Variants in PDE10A observed in about 807,000 individuals in gnomAD.
PDE10A encodes the protein cAMP and cAMP-inhibited cGMP 3',5'-cyclic phosphodiesterase 10A.
PDE10A carries 39 observed loss-of-function variants against 97.7 expected under a neutral mutation model. That is an observed-to-expected ratio of 0.40 (90% confidence interval 0.31 to 0.52). The LOEUF is 0.52. Ranked by LOEUF, PDE10A falls within the 20% of genes least tolerant of loss-of-function variation. PDE10A has a pLI of 0.56. For missense variants in PDE10A, 731 were observed against 1,047.8 expected (o/e 0.70, Z 4.17); for synonymous variants, 371 against 376.8 (o/e 0.98, Z 0.18).
intron 2 of PDE10A, among the ~76,000 whole-genome samples, chr6:165,531,415 G>A (rs1267749987): frequency 1.3e-5 from 2 of 151,618 alleles, no homozygotes; most frequent in East Asian, 3.9e-4. Flanking sequence ...TTCCAGTTCA[G>A]CCATCAGCTT....
intron 1 of PDE10A, chr6:165,775,539 G>T (rs533497896): frequency 6.6e-6 from 1 of 152,198 alleles, no homozygotes; most frequent in Non-Finnish European, 1.5e-5. Flanking sequence ...CCCCGCCACT[G>T]CCTGTCGTAC....
chr6:165,754,008 A>C (rs1793062551), intron 1 of PDE10A, among the ~76,000 whole-genome samples: 3 of 152,186 alleles, frequency 2.0e-5, no homozygotes. Flanking sequence ...ATGAAACACC[A>C]TGAAAAGCCC....
Position 165,452,126 on chromosome 6 carries a change from T to A in PDE10A, c.1024-1764A>T, listed in dbSNP as rs552767350. 9.8e-5 allele frequency among the ~76,000 whole-genome samples: 15 copies of A among 152,290 alleles called. 1 individual carries two copies. In the South Asian group the frequency reaches 3.1e-3, roughly 32 times the overall value. Reference sequence around the variant, plus strand: ...TTTACAGGGGGAGCCCTGGCATATGTGAATATATACCTGGCTCTGGTGCAG... The same window carrying A: ...TTTACAGGGGGAGCCCTGGCATATGAGAATATATACCTGGCTCTGGTGCAG... On this transcript the variant is annotated intron_variant, in intron 3 of 21. Transcript: ENST00000539869.
intron 1 of PDE10A, among the ~76,000 whole-genome samples, chr6:165,800,651 C>A (rs1778958763): frequency 6.6e-6 from 1 of 152,196 alleles, no homozygotes; most frequent in Non-Finnish European, 1.5e-5. Flanking sequence ...GATCTGGACA[C>A]ATGGTGTCTA....
At chr6:165,533,071 C>A (rs780218044) in intron 2 of PDE10A, among the ~76,000 whole-genome samples, 1 of 152,072 alleles carries the variant, frequency 6.6e-6, no homozygotes. Flanking sequence ...CAATCTCAAG[C>A]AAATTTAATT....
In PDE10A at chr6:165,339,283, C is replaced by T; in HGVS notation, c.2971G>A (p.Gly991Ser). 1 of 1,587,490 alleles carries T rather than the reference C, an allele frequency of 6.3e-7. No homozygotes were observed. The highest frequency in any genetic ancestry group is 1.1e-5 in the South Asian group (1 of 90,572). ...TTTACTTTAATAATTCATACCTGGC[C>T]TTGGGGGACTTCATCCTTCTTGTCT... ...DRDKKDEVPQGQLGFYNAVAI... is the reference protein window; with the variant it reads ...DRDKKDEVPQSQLGFYNAVAI... Residue 991 changes from glycine (G) to serine (S), a missense_variant, in exon 20 of 22, where the codon GGC (glycine) becomes AGC (serine). Around this residue, in one of 8 missense-constraint regions of PDE10A, gnomAD observed 96 missense variants for 156.7 expected, o/e 0.61. Transcript: ENST00000539869.
intron 1 of PDE10A, among the ~76,000 whole-genome samples, chr6:165,577,624 C>G (rs1025078261): frequency 6.6e-6 from 1 of 152,170 alleles, no homozygotes; most frequent in African/African-American, 2.4e-5. Context: ...CCCCAGGTCC[C>G]CTCACTCTTG....
intron 17 of PDE10A, among the ~76,000 whole-genome samples, chr6:165,386,534 G>A (rs545255617): frequency 3.3e-5 from 5 of 152,096 alleles, no homozygotes; most frequent in Admixed American, 3.3e-4. Flanking sequence ...GTTGTTTCTG[G>A]CGTTTATTCT....
chr6:165,674,268 G>A (rs1268743492), intron 1 of PDE10A, among the ~76,000 whole-genome samples: 1 of 151,592 alleles, frequency 6.6e-6, no homozygotes, highest in African/African-American at 2.4e-5. Context: ...GGATGACCAA[G>A]ATTATGTGTA....
At chr6:165,390,471 C>T (rs577685672) in intron 16 of PDE10A, among the ~76,000 whole-genome samples, 1 of 152,008 alleles carries the variant, frequency 6.6e-6, no homozygotes. Flanking sequence ...AGCGGCAGAT[C>T]GGAGCATATT....
At chr6:165,550,645 T>C in intron 1 of PDE10A, among the ~76,000 whole-genome samples, 1 of 152,240 alleles carries the variant, frequency 6.6e-6, no homozygotes, top group Non-Finnish European at 1.5e-5. Flanking sequence ...AAGATATTTT[T>C]GGTTTATTCA....
At chr6:165,344,116 T>C (rs1436192418) in intron 18 of PDE10A, among the ~76,000 whole-genome samples, 1 of 152,182 alleles carries the variant, frequency 6.6e-6, no homozygotes, top group Non-Finnish European at 1.5e-5. Context: ...AAAATGACTT[T>C]TCCCTTTTCA....
At chr6:165,943,234 A>AGAAAGAAAGAAGGAAG (rs1783618763) in intron 1 of PDE10A, among the ~76,000 whole-genome samples, 4 of 34,052 alleles carry the variant, frequency 1.2e-4, no homozygotes, top group East Asian at 1.2e-3. Context: ...AAAGAAAGAA[A>AGAAAGAAAGAAGGAAG]GAAGGAAGGA....
At chr6:165,950,698 G>A (rs1783926597) in intron 1 of PDE10A, among the ~76,000 whole-genome samples, 2 of 152,160 alleles carry the variant, frequency 1.3e-5, no homozygotes, top group African/African-American at 4.8e-5. Flanking sequence ...ACCCATGGAT[G>A]AGGAGGACCA....
At chr6:165,541,380 TAAC>T (rs1393915605) in intron 2 of PDE10A, among the ~76,000 whole-genome samples, 1 of 152,216 alleles carries the variant, frequency 6.6e-6, no homozygotes, top group Non-Finnish European at 1.5e-5. Flanking sequence ...CTGCTGGTCT[TAAC>T]AATTATTTAA....
upstream of PDE10A, among the ~76,000 whole-genome samples, chr6:165,667,197 A>AT (rs1212657585): frequency 2.0e-5 from 3 of 152,122 alleles, no homozygotes; most frequent in Non-Finnish European, 4.4e-5. Flanking sequence ...TTTCAATTAA[A>AT]TTGTTTTTAT....
chr6:165,383,349 T>C (rs886473285), intron 17 of PDE10A, among the ~76,000 whole-genome samples: 1 of 152,212 alleles, frequency 6.6e-6, no homozygotes, highest in African/African-American at 2.4e-5. Flanking sequence ...ATTCCAGCAA[T>C]AATGATTCAA....
At chr6:165,835,573 T>G (rs985755013) in intron 1 of PDE10A, among the ~76,000 whole-genome samples, 6 of 152,124 alleles carry the variant, frequency 3.9e-5, no homozygotes, top group African/African-American at 1.4e-4. Context: ...GAAGCCTCCT[T>G]GTAGGATTGG....
At chr6:165,779,719 C>T (rs1402427958) in intron 1 of PDE10A, among the ~76,000 whole-genome samples, 2 of 152,164 alleles carry the variant, frequency 1.3e-5, no homozygotes, top group Non-Finnish European at 2.9e-5. Flanking sequence ...GTTCTGGGCC[C>T]CTGGCAGAGC....
Sources: allele counts gnomAD v4.1 joint callset (sites outside exome capture counted in the v4.1 genomes callset), GRCh38; gene constraint gnomAD v4.1.1; regional missense constraint gnomAD v4.1.1; transcripts MANE v1.5; gene names NCBI Gene and HGNC (gene_info 2026-07-23, HGNC 2026-07-21).